IGIP: variants seen among roughly 807,000 people sequenced by gnomAD.
IGIP encodes IgA-inducing protein homolog.
A neutral mutation model predicts 3.2 loss-of-function variants in IGIP; 1 was observed. The observed-to-expected ratio is 0.32, with a 90% CI of 0.11 to 1.50. The LOEUF is 1.50. Ranked by LOEUF, IGIP falls within the 40% of genes most tolerant of loss-of-function variation. IGIP has a pLI of 0.39. For missense variants in IGIP, 64 were observed against 69.0 expected (o/e 0.93, Z 0.26); for synonymous variants, 20 against 22.7 (o/e 0.88, Z 0.34).
In IGIP at chr5:140,128,398, T is replaced by C. The variant is rs1325554607; in HGVS notation, c.-79T>C. 5 of 1,134,264 alleles carry C rather than the reference T, an allele frequency of 4.4e-6. No homozygotes were observed. The African/African-American group carries it at 7.9e-5, about 18-fold the overall frequency. 70.3% of individuals were successfully genotyped at this position (1,134,264 alleles called of 1,614,324 possible). On this transcript the variant is annotated 5_prime_UTR_variant, in exon 1 of 1. Transcript: ENST00000333305. ...TAATTTGCACTGTTTGGGGACCCCA[T>C]TTAAGAATGCTGAATTTTGCCAACT...
chr5:140,128,570 T>A lies in IGIP; in HGVS notation c.94T>A (p.Ser32Thr). The change falls in exon 1 of 1, where the codon TCA becomes ACA. Residue 32 changes from serine to threonine, a missense_variant. Transcript: ENST00000333305. ...GTTCTCCCATCTCAGTGCTGGGAAA[T>A]CACCATGTGGAAACCAAGCAAACGT... ...VMFSHLSAGK[S>T]PCGNQANVLC... 6.2e-7 allele frequency: 1 copy of A among 1,611,436 alleles called. No homozygotes were observed. Among genetic ancestry groups the A allele is most frequent in the Non-Finnish European group, 8.5e-7 (1 of 1,179,260 alleles).
chr5:140,127,112 G>A lies in IGIP; in HGVS notation c.-1365G>A, dbSNP rs1763222269. ...TGCATCACTTCCCATTTTTCTTACT[G>A]ATCTCAGTGCAAACTACACTAGTCT... On this transcript the variant is annotated 5_prime_UTR_variant, in exon 1 of 1. The change abolishes the stop of an existing upstream ORF in the 5' untranslated region. Transcript: ENST00000333305. The A allele has an allele frequency of 6.0e-6, 1 of 166,928 alleles. No individual in the cohort carries two copies. Among genetic ancestry groups the A allele is most frequent in the South Asian group, 2.1e-4 (1 of 4,818 alleles). 10.3% of individuals were successfully genotyped at this position (166,928 alleles called of 1,614,324 possible).
Position 140,128,862 on chromosome 5 carries a change from C to G in IGIP, c.*224C>G. ...CTTTTTGGGGGAAGGGGTCTGGTTGCGATCTTGGATTTTTTTTTTTTTTGA... is the reference window on the plus strand; with the variant it reads ...CTTTTTGGGGGAAGGGGTCTGGTTGGGATCTTGGATTTTTTTTTTTTTTGA... On this transcript the variant is annotated 3_prime_UTR_variant, in exon 1 of 1. Transcript: ENST00000333305. The G allele has an allele frequency of 4.3e-6, 2 of 460,622 alleles. No individual in the cohort carries two copies. Among genetic ancestry groups the G allele is most frequent in the Non-Finnish European group, 3.8e-6 (1 of 261,692 alleles). 28.5% of individuals were successfully genotyped at this position (460,622 alleles called of 1,614,324 possible). A position where few individuals can be genotyped will look rare whatever the true frequency, so the allele number is the denominator to read the frequency against.
Position 140,126,678 on chromosome 5 carries a change from C to T in IGIP, c.-1799C>T, listed in dbSNP as rs1763217570. The T allele has an allele frequency of 6.0e-6, 1 of 167,028 alleles. No homozygotes were observed. The highest frequency in any genetic ancestry group is 1.5e-5 in the Non-Finnish European group (1 of 68,122). 10.3% of individuals were successfully genotyped at this position (167,028 alleles called of 1,614,324 possible). A position where few individuals can be genotyped will look rare whatever the true frequency, so the allele number is the denominator to read the frequency against. ...ATGCTTGACATGATTTCAGACTTGA[C>T]AATGTCTGTTTAAGGAGCTATGGTA... On this transcript the variant is annotated 5_prime_UTR_variant, in exon 1 of 1. Coordinates refer to ENST00000333305, the MANE Select transcript of IGIP (RefSeq NM_001007189.2).
rs1365367983 is a variant in IGIP at position 140,126,537 on chromosome 5, TA to T, written c.-1937del. On this transcript the variant is annotated 5_prime_UTR_variant, in exon 1 of 1. Coordinates refer to ENST00000333305, the MANE Select transcript of IGIP (RefSeq NM_001007189.2). ...GCCAATCCAGCTTGACTGAAATAAG[TA>T]AACCAATCACTTGCAACATGAAAAA... 6.0e-6 allele frequency: 1 copy of T among 167,094 alleles called. No individual in the cohort carries two copies. Among genetic ancestry groups the T allele is most frequent in the Non-Finnish European group, 1.5e-5 (1 of 68,116 alleles). The allele number at this position is 167,094 out of a possible 1,614,324, so 10.4% of individuals were successfully genotyped here.
Position 140,126,150 on chromosome 5 carries a change from G to T in IGIP, c.-2327G>T, listed in dbSNP as rs936763871. 1 of 166,954 alleles carries T rather than the reference G, an allele frequency of 6.0e-6. No homozygotes were observed. The highest frequency in any genetic ancestry group is 1.5e-5 in the Non-Finnish European group (1 of 68,090). 10.3% of individuals were successfully genotyped at this position (166,954 alleles called of 1,614,324 possible). ...AGATGTTTTCTACTTTGCAACATGT[G>T]ATTACAAAAATCTTCCTCTGTGGGA... is the stretch of plus-strand genomic sequence containing the variant. On this transcript the variant is annotated 5_prime_UTR_variant, in exon 1 of 1. The change abolishes the stop of an existing upstream ORF in the 5' untranslated region. Transcript: ENST00000333305.
chr5:140,128,654 G>A lies in IGIP; in HGVS notation c.*16G>A, dbSNP rs1470497553. 6.3e-7 allele frequency: 1 copy of A among 1,598,430 alleles called. No individual in the cohort carries two copies. The highest frequency in any genetic ancestry group is 8.5e-7 in the Non-Finnish European group (1 of 1,172,276). On this transcript the variant is annotated 3_prime_UTR_variant, in exon 1 of 1. Transcript: ENST00000333305. ...TCAAAGCTGAAAACTAGCGAGGTCT[G>A]CTGTACTGCTTATTGAAGTATTGTG... is the stretch of plus-strand genomic sequence containing the variant.
In IGIP at chr5:140,127,746, C is replaced by T. The variant is rs918600391; in HGVS notation, c.-731C>T. The T allele has an allele frequency of 1.8e-5, 3 of 166,868 alleles. No homozygotes were observed. Among genetic ancestry groups the T allele is most frequent in the African/African-American group, 2.4e-5 (1 of 41,406 alleles). The allele number at this position is 166,868 out of a possible 1,614,324, so 10.3% of individuals were successfully genotyped here. On this transcript the variant is annotated 5_prime_UTR_variant, in exon 1 of 1. Transcript: ENST00000333305. ...AAATATTGTAAGATTGTAATACTGT[C>T]GATATTTTATTAACCAACAAATGTT...
rs565950564 is a variant in IGIP, at chr5:140,129,105, A to G, written c.*467A>G. 1 of 152,576 alleles carries G rather than the reference A, an allele frequency of 6.6e-6. No homozygotes were observed. The highest frequency in any genetic ancestry group is 2.4e-5 in the African/African-American group (1 of 41,582). 9.5% of individuals were successfully genotyped at this position (152,576 alleles called of 1,614,324 possible). ...TGGTATGACAGTGAACCTAGCCATC[A>G]TGTTGAAGAGAAGGGAAACCTTTTC... On this transcript the variant is annotated 3_prime_UTR_variant, in exon 1 of 1. Transcript: ENST00000333305.
rs916657934 is a variant in IGIP, at chr5:140,126,792, G to C, written c.-1685G>C. On this transcript the variant is annotated 5_prime_UTR_variant, in exon 1 of 1. Coordinates refer to ENST00000333305, the MANE Select transcript of IGIP (RefSeq NM_001007189.2). ...CAGCAGCCATATCCCTGAGTGCTCT[G>C]TGCCCATCAGATATCTTAAAGTAAG... 4.2e-5 allele frequency: 7 copies of C among 167,062 alleles called. No homozygotes were observed. The highest frequency in any genetic ancestry group is 8.8e-5 in the Non-Finnish European group (6 of 68,120). 10.3% of individuals were successfully genotyped at this position (167,062 alleles called of 1,614,324 possible).
In IGIP at chr5:140,128,656, T is replaced by G. The variant is rs777452084; in HGVS notation, c.*18T>G. The stretch of plus-strand genomic sequence containing the variant: ...AAAGCTGAAAACTAGCGAGGTCTGC[T>G]GTACTGCTTATTGAAGTATTGTGAT... On this transcript the variant is annotated 3_prime_UTR_variant, in exon 1 of 1. Coordinates refer to ENST00000333305, the MANE Select transcript of IGIP (RefSeq NM_001007189.2). The G allele has an allele frequency of 6.3e-7, 1 of 1,595,182 alleles. No homozygotes were observed. The highest frequency in any genetic ancestry group is 8.5e-7 in the Non-Finnish European group (1 of 1,171,116).
chr5:140,125,947 TGAGTCTAC>T lies in IGIP; in HGVS notation c.-2529_-2522del, dbSNP rs1432128038. 1 of 166,648 alleles carries T rather than the reference TGAGTCTAC, an allele frequency of 6.0e-6. No homozygotes were observed. The highest frequency in any genetic ancestry group is 1.5e-5 in the Non-Finnish European group (1 of 68,106). 10.3% of individuals were successfully genotyped at this position (166,648 alleles called of 1,614,324 possible). A position where few individuals can be genotyped will look rare whatever the true frequency, so the allele number is the denominator to read the frequency against. ...GGAGGGTGGGTGGGGGAAAGATTTTTGAGTCTACAACTGACAAAATGTCTTCTTCAAAT... is the reference window on the plus strand; with the variant it reads ...GGAGGGTGGGTGGGGGAAAGATTTTTAACTGACAAAATGTCTTCTTCAAAT... On this transcript the variant is annotated 5_prime_UTR_variant, in exon 1 of 1. Transcript: ENST00000333305.
In IGIP at chr5:140,128,780, AT is replaced by A; in HGVS notation, c.*143del. The stretch of plus-strand genomic sequence containing the variant: ...AAAATGAAATAAAGTAGGCAAAAAA[AT>A]AAAGATGTTTATTTTTCATGTGACT... On this transcript the variant is annotated 3_prime_UTR_variant, in exon 1 of 1. Coordinates refer to ENST00000333305, the MANE Select transcript of IGIP (RefSeq NM_001007189.2). 1.5e-6 allele frequency: 1 copy of A among 688,332 alleles called. No homozygotes were observed. Among genetic ancestry groups the A allele is most frequent in the Non-Finnish European group, 2.4e-6 (1 of 421,328 alleles). 42.6% of individuals were successfully genotyped at this position (688,332 alleles called of 1,614,324 possible). A position where few individuals can be genotyped will look rare whatever the true frequency, so the allele number is the denominator to read the frequency against.
At position 140,128,256 on chromosome 5, in the gene IGIP, T is replaced by C. The variant is rs991789077; in HGVS notation, c.-221T>C. 2.1e-5 allele frequency: 8 copies of C among 387,040 alleles called. No individual in the cohort carries two copies. The Admixed American group carries it at 2.4e-4, about 11-fold the overall frequency. 24.0% of individuals were successfully genotyped at this position (387,040 alleles called of 1,614,324 possible). ...TTCTTTAATATCTTTCCAAAATGACTTTGGTTAAATGGACCAGATGTATAT... is the reference window on the plus strand; with the variant it reads ...TTCTTTAATATCTTTCCAAAATGACCTTGGTTAAATGGACCAGATGTATAT... On this transcript the variant is annotated 5_prime_UTR_variant, in exon 1 of 1. Transcript: ENST00000333305.
chr5:140,127,338 T>G lies in IGIP; in HGVS notation c.-1139T>G, dbSNP rs1763224515. ...CATAAGTTGGGGAGTGTGCACTGGC[T>G]GGAGGCTTCCAGAGGCTTCCAGCCA... is the stretch of plus-strand genomic sequence containing the variant. On this transcript the variant is annotated 5_prime_UTR_variant, in exon 1 of 1. Coordinates refer to ENST00000333305, the MANE Select transcript of IGIP (RefSeq NM_001007189.2). The G allele has an allele frequency of 6.0e-6, 1 of 167,122 alleles. No homozygotes were observed. The highest frequency in any genetic ancestry group is 1.5e-5 in the Non-Finnish European group (1 of 68,136). 10.4% of individuals were successfully genotyped at this position (167,122 alleles called of 1,614,324 possible).
At position 140,127,858 on chromosome 5, in the gene IGIP, G is replaced by A. The variant is rs1362581261; in HGVS notation, c.-619G>A. The A allele has an allele frequency of 6.0e-6, 1 of 166,944 alleles. No homozygotes were observed. The highest frequency in any genetic ancestry group is 6.5e-5 in the Admixed American group (1 of 15,282). The allele number at this position is 166,944 out of a possible 1,614,324, so 10.3% of individuals were successfully genotyped here. A position where few individuals can be genotyped will look rare whatever the true frequency, so the allele number is the denominator to read the frequency against. Reference sequence around the variant, plus strand: ...TGCTGACAGTATTAAGTTATATTCTGATGTAAGATTAACTTTATTAAAGAA... The same window carrying A: ...TGCTGACAGTATTAAGTTATATTCTAATGTAAGATTAACTTTATTAAAGAA... On this transcript the variant is annotated 5_prime_UTR_variant, in exon 1 of 1. Transcript: ENST00000333305.
In IGIP at chr5:140,126,628, A is replaced by G. The variant is rs1166199642; in HGVS notation, c.-1849A>G. ...CTGATGTGGGAAGACTCCCACTTTG[A>G]TTACTGACCTGACAGTGAAGATTCA... On this transcript the variant is annotated 5_prime_UTR_variant, in exon 1 of 1. Transcript: ENST00000333305. The G allele has an allele frequency of 6.0e-6, 1 of 167,082 alleles. No homozygotes were observed. Among genetic ancestry groups the G allele is most frequent in the African/African-American group, 2.4e-5 (1 of 41,454 alleles). 10.3% of individuals were successfully genotyped at this position (167,082 alleles called of 1,614,324 possible). A position where few individuals can be genotyped will look rare whatever the true frequency, so the allele number is the denominator to read the frequency against.
Position 140,128,963 on chromosome 5 carries a change from T to C in IGIP, c.*325T>C. ...TTGGCTGCAAGCATTAAGTGTGCTC[T>C]CATACTAGAGAACTCTATCTTCTAT... On this transcript the variant is annotated 3_prime_UTR_variant, in exon 1 of 1. Coordinates refer to ENST00000333305, the MANE Select transcript of IGIP (RefSeq NM_001007189.2). 4.6e-6 allele frequency: 1 copy of C among 217,944 alleles called. No individual in the cohort carries two copies. Among genetic ancestry groups the C allele is most frequent in the Non-Finnish European group, 9.0e-6 (1 of 110,650 alleles). 13.5% of individuals were successfully genotyped at this position (217,944 alleles called of 1,614,324 possible).
In IGIP at chr5:140,127,844, T is replaced by C. The variant is rs1763230110; in HGVS notation, c.-633T>C. The C allele has an allele frequency of 6.0e-6, 1 of 167,092 alleles. No homozygotes were observed. The allele number at this position is 167,092 out of a possible 1,614,324, so 10.4% of individuals were successfully genotyped here. On this transcript the variant is annotated 5_prime_UTR_variant, in exon 1 of 1. Coordinates refer to ENST00000333305, the MANE Select transcript of IGIP (RefSeq NM_001007189.2). Reference sequence around the variant, plus strand: ...TGTGTGGTCCCTGTTGCTGACAGTATTAAGTTATATTCTGATGTAAGATTA... The same window carrying C: ...TGTGTGGTCCCTGTTGCTGACAGTACTAAGTTATATTCTGATGTAAGATTA...
Sources: allele counts gnomAD v4.1 joint callset, GRCh38; gene constraint gnomAD v4.1.1; transcripts MANE v1.5; gene names NCBI Gene and HGNC (gene_info 2026-07-23, HGNC 2026-07-21).